Variants in ZNF124 observed in about 807,000 individuals in gnomAD.
ZNF124 encodes zinc finger protein 124, also known as zinc finger protein HZF-16.
In ZNF124, 25 loss-of-function variants were observed where a neutral mutation model predicts 26.6. The observed-to-expected ratio is 0.94, with a 90% CI of 0.68 to 1.31. The LOEUF (loss-of-function observed/expected upper bound fraction) is 1.31. Ranked by LOEUF, ZNF124 falls within the 40% of genes most tolerant of loss-of-function variation. ZNF124 has a pLI of 0.00. For synonymous variants in ZNF124, 129 were observed against 133.3 expected (o/e 0.97, Z 0.22); for missense variants, 444 against 422.2 (o/e 1.05, Z -0.45).
chr1:247,146,201 A>G (rs987838230), intron 3 of ZNF124, among the ~76,000 whole-genome samples: 4 of 152,200 alleles, frequency 2.6e-5, no homozygotes, highest in Admixed American at 6.5e-5. Context: ...AAATTTAGGG[A>G]ATACTTAGTG....
Position 247,156,957 on chromosome 1 carries a change from T to C in ZNF124, c.665A>G (p.His222Arg), listed in dbSNP as rs1186825580. ...GKAFRYSNCL[H>R]YHERTHTGEK... ...TCCAGTGTGAGTTCTTTCATGGTAA[T>C]GAAGGCAATTGGAGTAACGGAAGGC... Residue 222 changes from histidine (H) to arginine (R), a missense_variant, in exon 4 of 4, where the codon CAT (histidine) becomes CGT (arginine). By Grantham distance (29) the His-to-Arg change is conservative. Transcript: ENST00000543802. 1.2e-6 allele frequency: 2 copies of C among 1,613,030 alleles called. No individual in the cohort carries two copies. Among genetic ancestry groups the C allele is most frequent in the Non-Finnish European group, 1.7e-6 (2 of 1,179,484 alleles).
chr1:247,155,957 T>C lies in ZNF124; in HGVS notation c.*609A>G, dbSNP rs1457743830. 1 of 937,978 alleles carries C rather than the reference T, an allele frequency of 1.1e-6. No individual in the cohort carries two copies. Among genetic ancestry groups the C allele is most frequent in the Non-Finnish European group, 1.3e-6 (1 of 787,630 alleles). The allele number at this position is 937,978 out of a possible 1,614,324, so 58.1% of individuals were successfully genotyped here. A position where few individuals can be genotyped will look rare whatever the true frequency, so the allele number is the denominator to read the frequency against. The stretch of plus-strand genomic sequence containing the variant: ...TCTCTTCAAAAATGAGCAACCAATA[T>C]ATTCAATTTATTTATAGCTCCTAAA... On this transcript the variant is annotated 3_prime_UTR_variant, in exon 4 of 4. Coordinates refer to ENST00000543802, the MANE Select transcript of ZNF124 (RefSeq NM_001297568.2).
intron 1 of ZNF124, among the ~76,000 whole-genome samples, chr1:247,170,623 C>T (rs947314517): frequency 3.5e-5 from 5 of 143,930 alleles, no homozygotes; most frequent in African/African-American, 8.5e-5. Context: ...GCAAGACTCA[C>T]GTCTCCAAAA....
At chr1:247,150,854 TTAAA>T (rs1423908544), downstream of ZNF124, among the ~76,000 whole-genome samples, 4 of 151,660 alleles carry the variant, frequency 2.6e-5, no homozygotes, top group Non-Finnish European at 5.9e-5. Flanking sequence ...GAAATATTTC[TTAAA>T]TAAAAAATAT....
intron 3 of ZNF124, among the ~76,000 whole-genome samples, chr1:247,133,757 G>A (rs888809266): frequency 2.7e-5 from 4 of 149,804 alleles, no homozygotes; most frequent in East Asian, 2.0e-4. Flanking sequence ...AGGTTCAAGC[G>A]ATTCTCCCAC....
chr1:247,138,696 T>C (rs1672550312), intron 3 of ZNF124: 1 of 398,474 alleles, frequency 2.5e-6, no homozygotes, highest in African/African-American at 2.1e-5. Context: ...GAAAGGTACA[T>C]ACATAGACCC....
intron 3 of ZNF124, among the ~76,000 whole-genome samples, chr1:247,140,746 G>C (rs183941403): frequency 1.3e-5 from 2 of 152,274 alleles, no homozygotes; most frequent in East Asian, 3.9e-4. Flanking sequence ...AGGTGTTTTT[G>C]GTGTTGGAAC....
chr1:247,146,338 A>C (rs1267228694), intron 3 of ZNF124, among the ~76,000 whole-genome samples: 1 of 152,188 alleles, frequency 6.6e-6, no homozygotes, highest in Non-Finnish European at 1.5e-5. Context: ...TTCCTTCTAG[A>C]ATACATTATT....
In ZNF124 at chr1:247,159,554, T is replaced by C. The variant is rs553279342; in HGVS notation, c.157+133A>G. ...AAAATAGACTAAGAAACAAGAGTCA[T>C]TGCACACTGGGTCCATGCCTCATTC... On this transcript the variant is annotated intron_variant, in intron 2 of 3. Coordinates refer to ENST00000543802, the MANE Select transcript of ZNF124 (RefSeq NM_001297568.2). 39 of 854,324 alleles carry C rather than the reference T, an allele frequency of 4.6e-5. No homozygotes were observed. The South Asian group carries it at 6.0e-4, about 13-fold the overall frequency. The allele number at this position is 854,324 out of a possible 1,614,324, so 52.9% of individuals were successfully genotyped here. A position where few individuals can be genotyped will look rare whatever the true frequency, so the allele number is the denominator to read the frequency against.
At chr1:247,144,145 T>C (rs953155314) in intron 3 of ZNF124, among the ~76,000 whole-genome samples, 3 of 152,212 alleles carry the variant, frequency 2.0e-5, no homozygotes, top group African/African-American at 7.2e-5. Context: ...CAAAAAGTTA[T>C]TAATGCCCTT....
At chr1:247,123,735 A>C (rs900772756) in exon 4 of ZNF124, 1 of 612,836 alleles carries the variant, frequency 1.6e-6, no homozygotes, top group East Asian at 2.7e-5. Context: ...GGTTTAGAGA[A>C]GCTGCTTGAT....
In ZNF124 at chr1:247,158,999, A is replaced by G. The variant is rs752250358; in HGVS notation, c.218+7T>C. 1.5e-5 allele frequency: 24 copies of G among 1,612,370 alleles called. No homozygotes were observed. The highest frequency in any genetic ancestry group is 2.0e-5 in the Non-Finnish European group (24 of 1,179,430). ...GGGGACTGCTTCCTCTTGTGAGGGC[A>G]AATTACCTTAGATTTCTTGAAGAAT... On this transcript the variant is annotated splice_region_variant and intron_variant, in intron 3 of 3. Coordinates refer to ENST00000543802, the MANE Select transcript of ZNF124 (RefSeq NM_001297568.2).
chr1:247,138,737 C>T (rs1412834736), intron 3 of ZNF124: 1 of 398,476 alleles, frequency 2.5e-6, no homozygotes, highest in Admixed American at 4.4e-5. Context: ...CCCATAAGCA[C>T]ATCTTCATGA....
At chr1:247,151,773 G>A (rs1025372082), downstream of ZNF124, among the ~76,000 whole-genome samples, 3 of 151,886 alleles carry the variant, frequency 2.0e-5, no homozygotes, top group East Asian at 3.9e-4. Context: ...GCATCAGCAC[G>A]GAGTGATTAA....
rs1378880167 is a variant in ZNF124 at position 247,136,161 on chromosome 1, G to A, written c.219-12290C>T. Among the ~76,000 whole-genome samples, 5 of 152,138 alleles carry A rather than the reference G, an allele frequency of 3.3e-5. 1 individual carries two copies. Among genetic ancestry groups the A allele is most frequent in the Non-Finnish European group, 7.4e-5 (5 of 67,964 alleles). On this transcript the variant is annotated intron_variant, in intron 3 of 3. Transcript: ENST00000472531. Reference sequence around the variant, plus strand: ...CTCACCACTCCTAAGTTCTGGCCAGGACAATCAGGCAAGAGAAATAAAAGG... The same window carrying A: ...CTCACCACTCCTAAGTTCTGGCCAGAACAATCAGGCAAGAGAAATAAAAGG...
chr1:247,159,631 A>G (rs1250352741), intron 2 of ZNF124, 56 bp downstream of exon 2: 7 of 1,574,568 alleles, frequency 4.4e-6, no homozygotes, highest in Non-Finnish European at 6.1e-6. Flanking sequence ...TGACATTGAA[A>G]ACCATGAAAC....
rs2103120499 is a variant in ZNF124, at chr1:247,157,299, C to T, written c.323G>A (p.Arg108Lys). Residue 108 changes from arginine (R) to lysine (K), a missense_variant, in exon 4 of 4, where the codon AGG becomes AAG. Arg to Lys is a conservative substitution (Grantham distance 26). Transcript: ENST00000543802. ...GTGCATTACTGTGTCTCTGTGAACC[C>T]TTGTGACAGAAAGGGAAGTTTTCTG... ...QCQKTSLSVT[R>K]VHRDTVMHTG... 4 of 1,601,938 alleles carry T rather than the reference C, an allele frequency of 2.5e-6. No homozygotes were observed. The highest frequency in any genetic ancestry group is 3.4e-6 in the Non-Finnish European group (4 of 1,172,936).
intron 3 of ZNF124, among the ~76,000 whole-genome samples, chr1:247,145,633 G>GTTT (rs55923514): frequency 6.9e-6 from 1 of 144,450 alleles, no homozygotes; most frequent in Non-Finnish European, 1.5e-5. Context: ...AAAAACTTCT[G>GTTT]TTTTTTTTTT....
rs1483515175 is a variant in ZNF124 at position 247,159,059 on chromosome 1, T to G, written c.165A>C (p.Lys55Asn). The change falls in exon 3 of 4, where the codon AAA (lysine) becomes AAC (asparagine). Residue 55 changes from lysine (K) to asparagine (N), a missense_variant. Coordinates refer to ENST00000543802, the MANE Select transcript of ZNF124 (RefSeq NM_001297568.2). ...GATCTTCAATGCTCTGGTCTTCCCCTTTGTTTCCTAAAATGTAGACCCAGA... is the reference window on the plus strand; with the variant it reads ...GATCTTCAATGCTCTGGTCTTCCCCGTTGTTTCCTAAAATGTAGACCCAGA... Reference protein sequence around the residue: ...TFRNLASIGNKGEDQSIEDQY... With the variant: ...TFRNLASIGNNGEDQSIEDQY... 1.9e-6 allele frequency: 3 copies of G among 1,611,136 alleles called. No homozygotes were observed. Among genetic ancestry groups the G allele is most frequent in the African/African-American group, 2.7e-5 (2 of 74,756 alleles).
Sources: gnomAD v4.1 joint callset for allele counts (sites outside exome capture counted in the v4.1 genomes callset) on GRCh38, gnomAD v4.1.1 for gene constraint, MANE v1.5 for transcripts, NCBI Gene and HGNC (gene_info 2026-07-23, HGNC 2026-07-21) for gene names.